NELL1: variants seen among roughly 807,000 people sequenced by gnomAD.
The protein encoded by NELL1 is neural EGFL like 1, also known as protein kinase C-binding protein NELL1.
In NELL1, 76 loss-of-function variants were observed where a neutral mutation model predicts 107.4. That is an observed-to-expected ratio of 0.71 (90% CI 0.59 to 0.86). The LOEUF (loss-of-function observed/expected upper bound fraction) is 0.86. NELL1 is among the 40% of genes least tolerant of loss of function. The probability of loss-of-function intolerance (pLI) is 0.00; values close to 1 mark genes in which losing one functional copy is unlikely to be tolerated. For synonymous variants in NELL1, 353 were observed against 341.2 expected (o/e 1.03, Z -0.38); for missense variants, 1,024 against 1,005.5 (o/e 1.02, Z -0.25).
At chr11:21,346,497 A>T (rs1214072945) in intron 14 of NELL1, among the ~76,000 whole-genome samples, 2 of 148,378 alleles carry the variant, frequency 1.3e-5, no homozygotes, top group African/African-American at 4.9e-5. Context: ...CAATTATTAA[A>T]TTTAAAATAT....
At chr11:21,202,260 C>CT (rs1342728392) in intron 13 of NELL1, among the ~76,000 whole-genome samples, 1 of 152,052 alleles carries the variant, frequency 6.6e-6, no homozygotes, top group Non-Finnish European at 1.5e-5. Flanking sequence ...TGGTCCTGGA[C>CT]TTTTTTTGGT....
At chr11:20,927,706 T>A (rs1402866065) in intron 8 of NELL1, among the ~76,000 whole-genome samples, 1 of 152,188 alleles carries the variant, frequency 6.6e-6, no homozygotes, top group Admixed American at 6.5e-5. Flanking sequence ...AGTTTGAAGG[T>A]TGGGATATAG....
intron 13 of NELL1, among the ~76,000 whole-genome samples, chr11:21,141,566 A>G (rs1344571136): frequency 1.3e-5 from 2 of 152,148 alleles, no homozygotes; most frequent in African/African-American, 2.4e-5. Flanking sequence ...ATTTTAAGTA[A>G]GAAATCTGAA....
intron 12 of NELL1, among the ~76,000 whole-genome samples, chr11:21,059,590 A>C (rs772491608): frequency 2.6e-5 from 4 of 152,124 alleles, no homozygotes; most frequent in Non-Finnish European, 5.9e-5. Flanking sequence ...ATTTGGAGAA[A>C]TTAAGAGCTT....
At chr11:20,777,816 G>A (rs1257210169) in intron 2 of NELL1, among the ~76,000 whole-genome samples, 1 of 132,510 alleles carries the variant, frequency 7.5e-6, no homozygotes, top group African/African-American at 3.5e-5. Flanking sequence ...GGGCTGCCTT[G>A]GTGCATTTTT....
chr11:21,218,254 T>C lies in NELL1; in HGVS notation c.1427-11078T>C, dbSNP rs532022531. Among the ~76,000 whole-genome samples the C allele has an allele frequency of 2.0e-5, 3 of 152,248 alleles. No homozygotes were observed. In the East Asian group the frequency reaches 5.8e-4, roughly 29 times the overall value. On this transcript the variant is annotated intron_variant, in intron 13 of 19. Transcript: ENST00000357134. ...TGGACCTGCAAAGAGGCATTCTAAT[T>C]TAATTTGCTTCAAATGCCTATCTGT... is the stretch of plus-strand genomic sequence containing the variant.
intron 14 of NELL1, among the ~76,000 whole-genome samples, chr11:21,352,671 A>G (rs987565680): frequency 1.3e-5 from 2 of 152,154 alleles, no homozygotes; most frequent in Admixed American, 6.6e-5. Context: ...GGTTTGATCA[A>G]TTTTGGATCC....
intron 3 of NELL1, among the ~76,000 whole-genome samples, chr11:20,794,247 G>A (rs1052284458): frequency 3.3e-5 from 5 of 152,176 alleles, no homozygotes; most frequent in Non-Finnish European, 5.9e-5. Flanking sequence ...GAAACATTAG[G>A]CAGTCTCTGT....
chr11:20,735,215 C>T (rs1235295776), intron 2 of NELL1, among the ~76,000 whole-genome samples: 1 of 152,078 alleles, frequency 6.6e-6, no homozygotes, highest in Non-Finnish European at 1.5e-5. Context: ...GAGATGAGGA[C>T]TAAAAATTGT....
At chr11:20,671,778 G>GGC (rs1853918059) in intron 1 of NELL1, among the ~76,000 whole-genome samples, 1 of 151,898 alleles carries the variant, frequency 6.6e-6, no homozygotes, top group Non-Finnish European at 1.5e-5. Flanking sequence ...TTGATGGGGG[G>GGC]GGTGGTGGAG....
At chr11:20,900,472 T>G (rs893614129) in intron 5 of NELL1, among the ~76,000 whole-genome samples, 1 of 152,098 alleles carries the variant, frequency 6.6e-6, no homozygotes, top group African/African-American at 2.4e-5. Context: ...ATTCTGGCAG[T>G]CTACCATGTC....
intron 13 of NELL1, among the ~76,000 whole-genome samples, chr11:21,168,501 A>AT (rs1437006540): frequency 6.6e-6 from 1 of 151,354 alleles, no homozygotes; most frequent in East Asian, 1.9e-4. Context: ...TTCTTCATCT[A>AT]TTTTTTATCT....
At chr11:21,161,280 A>C (rs536963703) in intron 13 of NELL1, among the ~76,000 whole-genome samples, 1 of 152,276 alleles carries the variant, frequency 6.6e-6, no homozygotes, top group South Asian at 2.1e-4. Context: ...GCTCATGTCC[A>C]TAATACCAGC....
At chr11:20,861,735 G>A (rs1418605514) in intron 4 of NELL1, among the ~76,000 whole-genome samples, 6 of 152,188 alleles carry the variant, frequency 3.9e-5, no homozygotes, top group Non-Finnish European at 7.3e-5. Context: ...TTAGACATCA[G>A]GTGAGCACAA....
At chr11:21,406,162 A>C (rs1852229752) in intron 15 of NELL1, among the ~76,000 whole-genome samples, 1 of 151,934 alleles carries the variant, frequency 6.6e-6, no homozygotes, top group South Asian at 2.1e-4. Context: ...AGAGATAAAA[A>C]ATTTCTTTAT....
chr11:21,488,990 A>G (rs1042143544), intron 15 of NELL1, among the ~76,000 whole-genome samples: 7 of 152,120 alleles, frequency 4.6e-5, no homozygotes, highest in Admixed American at 1.3e-4. Flanking sequence ...TAAAGAATCA[A>G]TGAATAGCTC....
intron 2 of NELL1, among the ~76,000 whole-genome samples, chr11:20,782,446 A>C (rs1277013497): frequency 6.6e-6 from 1 of 152,198 alleles, no homozygotes; most frequent in East Asian, 1.9e-4. Flanking sequence ...AATTCAAAAA[A>C]TTATAGAAGG....
intron 2 of NELL1, among the ~76,000 whole-genome samples, chr11:20,766,431 G>A (rs896079404): frequency 1.3e-5 from 2 of 152,144 alleles, no homozygotes; most frequent in Non-Finnish European, 2.9e-5. Context: ...GCGTGGCAAG[G>A]TTTTCCCCAC....
chr11:21,144,431 C>A (rs540226757), intron 13 of NELL1, among the ~76,000 whole-genome samples: 66 of 152,076 alleles, frequency 4.3e-4, no homozygotes, highest in Non-Finnish European at 8.7e-4. Context: ...GAGGCTAAAC[C>A]TGGATGAATA....
Sources: gnomAD v4.1 joint callset for allele counts (sites outside exome capture counted in the v4.1 genomes callset) on GRCh38, gnomAD v4.1.1 for gene constraint, MANE v1.5 for transcripts, NCBI Gene and HGNC (gene_info 2026-07-23, HGNC 2026-07-21) for gene names.